Variants in DHODH observed in about 807,000 individuals in gnomAD.
DHODH encodes the protein dihydroorotate dehydrogenase (quinone).
Under a neutral mutation model 39.7 loss-of-function variants are expected in DHODH, and 30 were observed. That is an observed-to-expected ratio of 0.76 (90% CI 0.57 to 1.02). The LOEUF is 1.02. Among genes scored for constraint, DHODH ranks in the 50% least tolerant of loss-of-function variants. DHODH has a pLI of 0.00. For missense variants in DHODH, 531 were observed against 520.8 expected, an observed-to-expected ratio of 1.02 and a Z score of -0.19; for synonymous variants, 222 against 213.8, an observed-to-expected ratio of 1.04 and a Z score of -0.34.
At position 72,008,760 on chromosome 16, in the gene DHODH, G is replaced by T; in HGVS notation, c.-5G>T. On this transcript the variant is annotated 5_prime_UTR_variant, in exon 1 of 9. The change creates a new upstream start codon in the 5' untranslated region. Transcript: ENST00000219240. ...GACAGGGGCGGGCTTAATGACGGAAGGAGCATGGCGTGGAGACACCTGAAA... is the reference window on the plus strand; with the variant it reads ...GACAGGGGCGGGCTTAATGACGGAATGAGCATGGCGTGGAGACACCTGAAA... 1 of 1,551,708 alleles carries T rather than the reference G, an allele frequency of 6.4e-7. No individual in the cohort carries two copies. Among genetic ancestry groups the T allele is most frequent in the Non-Finnish European group, 8.7e-7 (1 of 1,146,998 alleles).
intron 1 of DHODH, among the ~76,000 whole-genome samples, 174 bp from the exon 2 acceptor site, chr16:72,011,876 T>G (rs1015470968): frequency 1.3e-5 from 2 of 152,152 alleles, no homozygotes; most frequent in African/African-American, 2.4e-5. Flanking sequence ...AGAAGGTGTG[T>G]AGGCAGAAGT....
Position 72,012,048 on chromosome 16 carries a change from A to T in DHODH, c.22-2A>T. ...ACCCCCCTAATATGCTCTTTTTTGCAGAAGCGGGCCCAGGATGCTGTGATC... is the reference window on the plus strand; with the variant it reads ...ACCCCCCTAATATGCTCTTTTTTGCTGAAGCGGGCCCAGGATGCTGTGATC... On this transcript the variant is annotated splice_acceptor_variant, in intron 1 of 8. Coordinates refer to ENST00000219240, the MANE Select transcript of DHODH (RefSeq NM_001361.5). LOFTEE classifies it high-confidence loss of function. The T allele has an allele frequency of 6.2e-7, 1 of 1,613,934 alleles. No individual in the cohort carries two copies. The highest frequency in any genetic ancestry group is 8.5e-7 in the Non-Finnish European group (1 of 1,179,930).
intron 1 of DHODH, chr16:72,009,208 A>C: frequency 1.0e-6 from 1 of 967,634 alleles, no homozygotes; most frequent in Non-Finnish European, 1.3e-6. Flanking sequence ...CCCCGTATGT[A>C]ATAGGTGTTC....
chr16:72,018,877 G>T (rs898119621), intron 4 of DHODH, among the ~76,000 whole-genome samples: 1 of 152,240 alleles, frequency 6.6e-6, no homozygotes, highest in Non-Finnish European at 1.5e-5. Context: ...GTGAGGAAAA[G>T]AATTCAAGCT....
At chr16:72,019,462 C>T (rs1359479508) in intron 4 of DHODH, among the ~76,000 whole-genome samples, 4 of 152,212 alleles carry the variant, frequency 2.6e-5, no homozygotes, top group South Asian at 2.1e-4. Context: ...ATCAAAAGTA[C>T]AGCCTGTACC....
intron 3 of DHODH, 152 bp downstream of exon 3, chr16:72,014,824 A>C: frequency 1.2e-6 from 1 of 805,724 alleles, no homozygotes; most frequent in Admixed American, 2.2e-5. Context: ...AGCATCTACT[A>C]TGTGCCCCAG....
intron 1 of DHODH, among the ~76,000 whole-genome samples, chr16:72,011,145 T>A (rs2041077292): frequency 6.6e-6 from 1 of 152,256 alleles, no homozygotes; most frequent in African/African-American, 2.4e-5. Context: ...AATATTGCTA[T>A]GACTCCCCTA....
chr16:72,008,863 G>T, intron 1 of DHODH, 78 bp downstream of exon 1: 2 of 1,551,004 alleles, frequency 1.3e-6, no homozygotes, highest in Non-Finnish European at 8.7e-7. Flanking sequence ...GGCCGGGCGA[G>T]GCATGGACCG....
At chr16:72,017,937 A>G (rs989763484) in intron 4 of DHODH, among the ~76,000 whole-genome samples, 1 of 151,740 alleles carries the variant, frequency 6.6e-6, no homozygotes, top group African/African-American at 2.4e-5. Flanking sequence ...ACACCCAGCT[A>G]ATTTCTTTTT....
intron 4 of DHODH, among the ~76,000 whole-genome samples, chr16:72,017,770 CTTT>C (rs71153696): frequency 5.8e-5 from 6 of 103,784 alleles, no homozygotes; most frequent in East Asian, 2.4e-4. Context: ...AAACAACATG[CTTT>C]TTTTTTTTTT....
chr16:72,021,220 C>T lies in DHODH; in HGVS notation c.614C>T (p.Ala205Val), dbSNP rs1256047109. 3 of 1,612,212 alleles carry T rather than the reference C, an allele frequency of 1.9e-6. No individual in the cohort carries two copies. Among genetic ancestry groups the T allele is most frequent in the Admixed American group, 1.7e-5 (1 of 59,772 alleles). ...GGGGTGCGCGTACTGGGCCCCCTGGCCGACTACCTGGTGGTGAATGTGTCC... is the reference window on the plus strand; with the variant it reads ...GGGGTGCGCGTACTGGGCCCCCTGGTCGACTACCTGGTGGTGAATGTGTCC... ...AEGVRVLGPL[A>V]DYLVVNVSSP... The change falls in exon 5 of 9, where the codon GCC becomes GTC. Residue 205 changes from alanine (A) to valine (V), a missense_variant. By Grantham distance (64) the Ala-to-Val change is moderately conservative. Transcript: ENST00000219240.
In DHODH at chr16:72,008,795, G is replaced by A. The variant is rs913635582; in HGVS notation, c.21+10G>A. On this transcript the variant is annotated intron_variant, in intron 1 of 8. Transcript: ENST00000219240. ...GTGGAGACACCTGAAAGTGAGTCCC[G>A]CGAGTGAGCAGTGTGGATGGGGGAC... 2 of 1,552,068 alleles carry A rather than the reference G, an allele frequency of 1.3e-6. No individual in the cohort carries two copies. The highest frequency in any genetic ancestry group is 2.7e-5 in the African/African-American group (2 of 73,090).
Position 72,022,355 on chromosome 16 carries a change from G to A in DHODH, c.706-7G>A, listed in dbSNP as rs761371223. 87 of 1,550,636 alleles carry A rather than the reference G, an allele frequency of 5.6e-5. 1 individual carries two copies. The highest frequency in any genetic ancestry group is 4.3e-4 in the Admixed American group (22 of 51,094). On this transcript the variant is annotated splice_polypyrimidine_tract_variant and splice_region_variant and intron_variant, in intron 5 of 8. Transcript: ENST00000219240. ...GGGTCCCCAGCTCTGGCCGTGTGTC[G>A]CCCTAGGTGCTGCAGGAGAGGGATG...
Position 72,012,116 on chromosome 16 carries a change from G to T in DHODH, c.88G>T (p.Ala30Ser), listed in dbSNP as rs1373239995. 2 of 1,613,962 alleles carry T rather than the reference G, an allele frequency of 1.2e-6. No homozygotes were observed. The highest frequency in any genetic ancestry group is 8.5e-7 in the Non-Finnish European group (1 of 1,180,006). ...ACTTCTCTTCGCCTCCTACCTGATG[G>T]CCACGGGAGATGAGCGTTTCTATGC... ...GGLLFASYLM[A>S]TGDERFYAEH... Residue 30 changes from alanine to serine, a missense_variant, in exon 2 of 9, where the codon GCC becomes TCC. Coordinates refer to ENST00000219240, the MANE Select transcript of DHODH (RefSeq NM_001361.5).
chr16:72,014,323 C>T (rs750292348), intron 2 of DHODH, 150 bp from the exon 3 acceptor site: 245 of 722,300 alleles, frequency 3.4e-4, no homozygotes, highest in Non-Finnish European at 5.2e-4. Context: ...TCCATTCCAC[C>T]CCCAAAGATT....
rs370556909 is a variant in DHODH, at chr16:72,023,338, T to A, written c.973+20T>A. 44 of 1,614,024 alleles carry A rather than the reference T, an allele frequency of 2.7e-5. No individual in the cohort carries two copies. Among genetic ancestry groups the A allele is most frequent in the Non-Finnish European group, 3.5e-5 (41 of 1,180,048 alleles). On this transcript the variant is annotated intron_variant, in intron 7 of 8. Transcript: ENST00000219240. ...CCCAAGGCAAGGTTTCCCGTGTTTGTGTCTTCAGATCTGCGTGTGGCTTGG... is the reference window on the plus strand; with the variant it reads ...CCCAAGGCAAGGTTTCCCGTGTTTGAGTCTTCAGATCTGCGTGTGGCTTGG...
intron 3 of DHODH, chr16:72,015,857 TG>T: frequency 1.0e-5 from 10 of 985,502 alleles, no homozygotes; most frequent in Non-Finnish European, 1.2e-5. Flanking sequence ...GTGTGGCATG[TG>T]GTAAGTGTGT....
Position 72,024,466 on chromosome 16 carries a change from G to A in DHODH, c.*267G>A. 1.9e-6 allele frequency: 1 copy of A among 521,616 alleles called. No individual in the cohort carries two copies. The highest frequency in any genetic ancestry group is 3.5e-6 in the Non-Finnish European group (1 of 287,642). 32.3% of individuals were successfully genotyped at this position (521,616 alleles called of 1,614,324 possible). A position where few individuals can be genotyped will look rare whatever the true frequency, so the allele number is the denominator to read the frequency against. On this transcript the variant is annotated 3_prime_UTR_variant, in exon 9 of 9. Transcript: ENST00000219240. ...CTTGCAAGGACATTGAATATTAGGA[G>A]GAAAAAGTCATGGAAAAAATAAAGC...
intron 4 of DHODH, chr16:72,020,256 A>G (rs2041189097): frequency 6.7e-6 from 1 of 149,164 alleles, no homozygotes; most frequent in Non-Finnish European, 1.5e-5. Flanking sequence ...AGCCTGGGCA[A>G]CAGTGAGACT....
Sources: gnomAD v4.1 joint callset for allele counts (sites outside exome capture counted in the v4.1 genomes callset) on GRCh38, gnomAD v4.1.1 for gene constraint, MANE v1.5 for transcripts, NCBI Gene and HGNC (gene_info 2026-07-23, HGNC 2026-07-21) for gene names.